CPN1: variants seen among roughly 807,000 people sequenced by gnomAD.
CPN1 encodes carboxypeptidase N catalytic chain.
In CPN1, 37 loss-of-function variants were observed where a neutral mutation model predicts 46.4. That is an observed-to-expected ratio of 0.80 (90% CI 0.61 to 1.05). CPN1 has a LOEUF of 1.05. Among genes scored for constraint, CPN1 ranks in the 50% least tolerant of loss-of-function variants. The pLI is 0.00. For synonymous variants in CPN1, 224 were observed against 235.4 expected, an observed-to-expected ratio of 0.95 and a Z score of 0.44; for missense variants, 563 against 602.6, an observed-to-expected ratio of 0.93 and a Z score of 0.69.
chr10:100,060,816 G>C (rs1373263009), intron 5 of CPN1, among the ~76,000 whole-genome samples: 1 of 152,072 alleles, frequency 6.6e-6, no homozygotes, highest in Non-Finnish European at 1.5e-5. Context: ...GCGCTCCCTT[G>C]TTTGCTGCAG....
intron 1 of CPN1, 69 bp from the exon 2 acceptor site, chr10:100,076,176 T>A: frequency 6.9e-7 from 1 of 1,439,352 alleles, no homozygotes; most frequent in South Asian, 1.1e-5. Context: ...AGAAGGACCT[T>A]TTTTCTCTTT....
chr10:100,066,083 G>A (rs997795682), intron 3 of CPN1, among the ~76,000 whole-genome samples: 4 of 151,954 alleles, frequency 2.6e-5, no homozygotes, highest in Non-Finnish European at 4.4e-5. Flanking sequence ...AGCCTCCCTA[G>A]TAGCTGGGAC....
chr10:100,049,207 C>T (rs1417388119), intron 7 of CPN1, among the ~76,000 whole-genome samples: 1 of 151,574 alleles, frequency 6.6e-6, no homozygotes, highest in Non-Finnish European at 1.5e-5. Flanking sequence ...GATCTGCCCG[C>T]CTCAGCCTCC....
intron 5 of CPN1, among the ~76,000 whole-genome samples, chr10:100,060,916 G>T (rs545137165): frequency 7.2e-5 from 11 of 152,220 alleles, no homozygotes; most frequent in African/African-American, 2.6e-4. Context: ...ATACACAATG[G>T]AGTACTATTC....
chr10:100,076,320 T>C (rs959090773), intron 1 of CPN1, among the ~76,000 whole-genome samples: 6 of 152,194 alleles, frequency 3.9e-5, no homozygotes, highest in African/African-American at 7.2e-5. Flanking sequence ...TGCCATGTAT[T>C]GAACCCCCAT....
At chr10:100,071,885 T>C (rs2041487733) in intron 2 of CPN1, among the ~76,000 whole-genome samples, 1 of 152,154 alleles carries the variant, frequency 6.6e-6, no homozygotes, top group African/African-American at 2.4e-5. Context: ...TTGATATTGG[T>C]GGGGGGCCCT....
Position 100,073,598 on chromosome 10 carries a change from T to G in CPN1, c.420+2313A>C, listed in dbSNP as rs117652208. Among the ~76,000 whole-genome samples the G allele has an allele frequency of 5.4e-4, 81 of 151,092 alleles. No individual in the cohort carries two copies. In the East Asian group the frequency reaches 0.014, roughly 26 times the overall value. On this transcript the variant is annotated intron_variant, in intron 2 of 8. Transcript: ENST00000370418. ...GTTTCTAGAGATCATTCACATTCCT[T>G]GGCTCTTCCATCTTTTTTTTTTTTT...
intron 2 of CPN1, among the ~76,000 whole-genome samples, chr10:100,072,539 C>T (rs925913080): frequency 1.3e-5 from 2 of 152,154 alleles, no homozygotes; most frequent in South Asian, 2.1e-4. Context: ...ACTCCTCCCC[C>T]CTTCAAAAAA....
chr10:100,050,616 G>A (rs938717336), intron 7 of CPN1, among the ~76,000 whole-genome samples: 1 of 152,036 alleles, frequency 6.6e-6, no homozygotes, highest in African/African-American at 2.4e-5. Context: ...GTAAAGATAC[G>A]ATTTTGAGAG....
intron 7 of CPN1, among the ~76,000 whole-genome samples, chr10:100,051,651 C>G (rs925627616): frequency 3.3e-5 from 5 of 150,714 alleles, no homozygotes; most frequent in Non-Finnish European, 7.4e-5. Context: ...CCTCAGCCTC[C>G]TGAGTATCTG....
chr10:100,047,383 C>T lies in CPN1; in HGVS notation c.1230+1375G>A, dbSNP rs988212541. Among the ~76,000 whole-genome samples the T allele has an allele frequency of 1.1e-4, 16 of 152,166 alleles. No homozygotes were observed. In the East Asian group the frequency reaches 1.5e-3, roughly 15 times the overall value. On this transcript the variant is annotated intron_variant, in intron 8 of 8. Transcript: ENST00000370418. ...CTTGTTTGACTGTAGGTCATAAGAC[C>T]CTACCTTGTTTGACTATAGGTCATG...
At position 100,065,194 on chromosome 10, in the gene CPN1, G is replaced by T; in HGVS notation, c.753C>A (p.Phe251Leu). Residue 251 changes from phenylalanine (F) to leucine (L), a missense_variant, in exon 4 of 9, where the codon TTC becomes TTA. Physicochemically the swap from Phe to Leu is conservative, Grantham distance 22. Transcript: ENST00000370418. ...ASTPTPDDKL[F>L]QKLAKVYSYA... ...AAGCTGCTTCTCCACATACCTTCTGGAAGAGCTTGTCGTCAGGCGTGGGGG... is the reference window on the plus strand; with the variant it reads ...AAGCTGCTTCTCCACATACCTTCTGTAAGAGCTTGTCGTCAGGCGTGGGGG... 3 of 1,613,106 alleles carry T rather than the reference G, an allele frequency of 1.9e-6. No individual in the cohort carries two copies. The highest frequency in any genetic ancestry group is 1.7e-6 in the Non-Finnish European group (2 of 1,179,206).
intron 3 of CPN1, among the ~76,000 whole-genome samples, chr10:100,067,607 C>T (rs1440295810): frequency 6.6e-6 from 1 of 152,188 alleles, no homozygotes; most frequent in East Asian, 1.9e-4. Flanking sequence ...TAAATTTAGA[C>T]ATTCACAAAT....
chr10:100,059,346 T>G lies in CPN1; in HGVS notation c.872-2194A>C, dbSNP rs138592467. Among the ~76,000 whole-genome samples, 847 of 152,116 alleles carry G rather than the reference T, an allele frequency of 5.6e-3. 14 individuals carry two copies. The highest frequency in any genetic ancestry group is 0.02 in the African/African-American group (818 of 41,506). ...ATGGGAAAAATATTTGTGATACATA[T>G]ATCTGATAAGATATTAATATTCAGC... On this transcript the variant is annotated intron_variant, in intron 5 of 8. Transcript: ENST00000370418.
At chr10:100,043,883 C>A (rs1019246497) in intron 8 of CPN1, among the ~76,000 whole-genome samples, 1 of 152,000 alleles carries the variant, frequency 6.6e-6, no homozygotes, top group Admixed American at 6.6e-5. Context: ...TCTCTTCTGG[C>A]CACAGCACGC....
chr10:100,043,672 T>G (rs1390580683), intron 8 of CPN1, among the ~76,000 whole-genome samples: 7 of 151,924 alleles, frequency 4.6e-5, no homozygotes, highest in Non-Finnish European at 1.5e-5. Flanking sequence ...ACTTTTCTTT[T>G]TTTTTTTAAT....
chr10:100,067,519 A>G (rs530344068), intron 3 of CPN1, among the ~76,000 whole-genome samples: 8 of 152,354 alleles, frequency 5.3e-5, no homozygotes, highest in African/African-American at 1.7e-4. Flanking sequence ...CAAGGGAGAA[A>G]AAAACCCCAG....
chr10:100,047,315 G>A (rs2041320360), intron 8 of CPN1, among the ~76,000 whole-genome samples: 1 of 152,046 alleles, frequency 6.6e-6, no homozygotes, highest in Non-Finnish European at 1.5e-5. Flanking sequence ...AGGAGAAGGA[G>A]GAGGAGAAGA....
chr10:100,062,443 C>T (rs1022613734), intron 5 of CPN1, among the ~76,000 whole-genome samples: 10 of 152,260 alleles, frequency 6.6e-5, no homozygotes, highest in African/African-American at 2.4e-4. Context: ...TGTGCCCAGG[C>T]CAGCTCCTCT....
Sources: allele counts gnomAD v4.1 joint callset (sites outside exome capture counted in the v4.1 genomes callset), GRCh38; gene constraint gnomAD v4.1.1; transcripts MANE v1.5; gene names NCBI Gene and HGNC (gene_info 2026-07-23, HGNC 2026-07-21).